The following GJB7 variants were observed in gnomAD, a reference collection of about 807,000 sequenced individuals.
GJB7 encodes the protein gap junction beta-7 protein.
For synonymous variants in GJB7, 87 were observed against 95.2 expected, an observed-to-expected ratio of 0.91 and a Z score of 0.50; for missense variants, 253 against 256.8, an observed-to-expected ratio of 0.99 and a Z score of 0.10.
intron 1 of GJB7, among the ~76,000 whole-genome samples, chr6:87,324,151 T>C (rs567720759): frequency 2.0e-5 from 3 of 152,194 alleles, no homozygotes; most frequent in Non-Finnish European, 4.4e-5. Flanking sequence ...TTTGCTTGAG[T>C]TGATTGTAGA....
intron 2 of GJB7, among the ~76,000 whole-genome samples, chr6:87,295,882 TAAGA>T: frequency 6.6e-6 from 1 of 152,238 alleles, no homozygotes; most frequent in East Asian, 1.9e-4. Context: ...TTATTTTTCC[TAAGA>T]AAGAAGAACT....
At chr6:87,293,030 A>C (rs1056004725) in intron 2 of GJB7, among the ~76,000 whole-genome samples, 1 of 152,062 alleles carries the variant, frequency 6.6e-6, no homozygotes, top group South Asian at 2.1e-4. Flanking sequence ...ATTTTATTTT[A>C]TTTTTTATTT....
intron 2 of GJB7, among the ~76,000 whole-genome samples, chr6:87,287,155 T>C (rs1330897238): frequency 1.3e-5 from 2 of 152,256 alleles, no homozygotes; most frequent in Admixed American, 6.5e-5. Flanking sequence ...GCTTTAACTT[T>C]CTACCATAAC....
rs555327336 is a variant in GJB7, at chr6:87,324,252, TTGC to T, written c.-205-1212_-205-1210del. Reference sequence around the variant, plus strand: ...CTGTTCACTCTGATGGTAGTTTCTTTTGCTGTGCAGAAGCTCTTTAATTAGATC... The same window carrying T: ...CTGTTCACTCTGATGGTAGTTTCTTTTGTGCAGAAGCTCTTTAATTAGATC... On this transcript the variant is annotated intron_variant, in intron 1 of 2. Transcript: ENST00000525899. Among the ~76,000 whole-genome samples the T allele has an allele frequency of 4.6e-3, 702 of 152,340 alleles. 2 individuals are homozygous for T. Among genetic ancestry groups the T allele is most frequent in the African/African-American group, 0.016 (667 of 41,568 alleles).
chr6:87,293,095 G>A (rs536862956), intron 2 of GJB7, among the ~76,000 whole-genome samples: 2 of 152,276 alleles, frequency 1.3e-5, no homozygotes, highest in East Asian at 1.9e-4. Flanking sequence ...GCAGTGGCGC[G>A]ATCTTGGCTC....
At chr6:87,294,685 G>A (rs1392696406) in intron 2 of GJB7, among the ~76,000 whole-genome samples, 1 of 152,250 alleles carries the variant, frequency 6.6e-6, no homozygotes, top group East Asian at 1.9e-4. Flanking sequence ...ACAAACTCAA[G>A]TAGGTCTAAA....
intron 1 of GJB7, among the ~76,000 whole-genome samples, chr6:87,325,244 T>C (rs1041127734): frequency 1.3e-5 from 2 of 150,994 alleles, no homozygotes. Context: ...TTTTCCTAAT[T>C]GAATACCCTT....
At chr6:87,319,220 C>A (rs1187847661) in intron 2 of GJB7, among the ~76,000 whole-genome samples, 1 of 152,210 alleles carries the variant, frequency 6.6e-6, no homozygotes. Context: ...TGGCATCACT[C>A]TTCAAAGTAA....
At chr6:87,306,743 C>G (rs1158324230) in intron 2 of GJB7, among the ~76,000 whole-genome samples, 2 of 152,162 alleles carry the variant, frequency 1.3e-5, no homozygotes, top group African/African-American at 4.8e-5. Context: ...TATTGCAGCA[C>G]TATTTACAAT....
At chr6:87,323,629 A>G (rs1199406668) in intron 1 of GJB7, among the ~76,000 whole-genome samples, 2 of 152,064 alleles carry the variant, frequency 1.3e-5, no homozygotes, top group Non-Finnish European at 2.9e-5. Flanking sequence ...GCTGCATAGT[A>G]TTACATGGTG....
chr6:87,314,650 G>T (rs945614818), intron 2 of GJB7, among the ~76,000 whole-genome samples: 11 of 152,112 alleles, frequency 7.2e-5, no homozygotes, highest in Admixed American at 2.0e-4. Context: ...TGGGCAAGTG[G>T]CCCCTCAGGG....
chr6:87,308,457 T>C (rs903197570), intron 2 of GJB7, among the ~76,000 whole-genome samples: 4 of 152,068 alleles, frequency 2.6e-5, no homozygotes, highest in Admixed American at 2.6e-4. Flanking sequence ...GCAGATTAAC[T>C]GAAAAAAGAT....
intron 2 of GJB7, among the ~76,000 whole-genome samples, chr6:87,296,838 A>G (rs1174233799): frequency 6.6e-6 from 1 of 152,164 alleles, no homozygotes; most frequent in Non-Finnish European, 1.5e-5. Context: ...AGACCTAGCC[A>G]TCTTTTCTTG....
At chr6:87,318,261 A>C (rs1300441283) in intron 2 of GJB7, among the ~76,000 whole-genome samples, 1 of 152,178 alleles carries the variant, frequency 6.6e-6, no homozygotes, top group Non-Finnish European at 1.5e-5. Flanking sequence ...AAGCACCACT[A>C]GAAAACAGAC....
chr6:87,318,101 A>G (rs897050160), intron 2 of GJB7, among the ~76,000 whole-genome samples: 2 of 148,860 alleles, frequency 1.3e-5, no homozygotes, highest in Non-Finnish European at 3.0e-5. Context: ...TCCTCTAATA[A>G]TATCAGTTCC....
chr6:87,300,664 T>C (rs1582559324), intron 2 of GJB7, among the ~76,000 whole-genome samples: 1 of 152,378 alleles, frequency 6.6e-6, no homozygotes, highest in East Asian at 1.9e-4. Flanking sequence ...TGTATTTTTG[T>C]ATAAAAGGAC....
rs1277336362 is a variant in GJB7, at chr6:87,284,450, TA to T, written c.462del (p.Ile155Ter). The stretch of plus-strand genomic sequence containing the variant: ...GGACAAGGCTTCAAATCACACTTTA[TA>T]AGGTAGGGAACACTAAAGCCATCAT... ...KLYDGFSVPY[L>X]IKCDLKPCPN... is the part of the protein sequence containing the mutation. On this transcript the variant is annotated frameshift_variant, in exon 3 of 3. Coordinates refer to ENST00000525899, the MANE Select transcript of GJB7 (RefSeq NM_198568.3). LOFTEE classifies it low-confidence loss of function (END_TRUNC). 1 of 1,614,072 alleles carries T rather than the reference TA, an allele frequency of 6.2e-7. No homozygotes were observed. Among genetic ancestry groups the T allele is most frequent in the Admixed American group, 1.7e-5 (1 of 60,002 alleles).
chr6:87,326,521 T>C (rs185449830), intron 1 of GJB7, among the ~76,000 whole-genome samples: 1 of 151,870 alleles, frequency 6.6e-6, no homozygotes, highest in Non-Finnish European at 1.5e-5. Context: ...CAGTTCGTTA[T>C]GTACCCAGTA....
chr6:87,325,066 CTG>C lies in GJB7; in HGVS notation c.-205-2025_-205-2024del, dbSNP rs550327216. On this transcript the variant is annotated intron_variant, in intron 1 of 2. Transcript: ENST00000525899. ...GGGAGTTCACTCATGATTTGGCTCT[CTG>C]TTTGTTGCTGGTGTATAAGAATGCT... Among the ~76,000 whole-genome samples, 906 of 151,768 alleles carry C rather than the reference CTG, an allele frequency of 6.0e-3. 5 individuals are homozygous for C. Among genetic ancestry groups the C allele is most frequent in the South Asian group, 0.018 (87 of 4,806 alleles).
Sources: gnomAD v4.1 joint callset for allele counts (sites outside exome capture counted in the v4.1 genomes callset) on GRCh38, gnomAD v4.1.1 for gene constraint, MANE v1.5 for transcripts, NCBI Gene and HGNC (gene_info 2026-07-23, HGNC 2026-07-21) for gene names.